The following LY75 variants were observed in gnomAD, a reference collection of about 807,000 sequenced individuals.
LY75 encodes C-type lectin domain family 13 member B.
In LY75, 185 loss-of-function variants were observed where a neutral mutation model predicts 231.7. The observed-to-expected ratio is 0.80, with a 90% confidence interval of 0.71 to 0.90. The LOEUF (loss-of-function observed/expected upper bound fraction) is 0.90. Among genes scored for constraint, LY75 ranks in the 40% least tolerant of loss-of-function variants. The pLI is 0.00. For synonymous variants in LY75, 668 were observed against 689.0 expected, an observed-to-expected ratio of 0.97 and a Z score of 0.48; for missense variants, 1,947 against 2,050.2, an observed-to-expected ratio of 0.95 and a Z score of 0.97.
At chr2:159,858,113 T>C (rs1202319820) in intron 16 of LY75, among the ~76,000 whole-genome samples, 1 of 152,190 alleles carries the variant, frequency 6.6e-6, no homozygotes, top group Non-Finnish European at 1.5e-5. Flanking sequence ...TCTCCCTGAA[T>C]GAGCCTCACA....
At chr2:159,837,840 T>C (rs1337801019) in intron 25 of LY75, among the ~76,000 whole-genome samples, 1 of 152,170 alleles carries the variant, frequency 6.6e-6, no homozygotes, top group Non-Finnish European at 1.5e-5. Context: ...GAGGACTTGG[T>C]CGCCTTGCTC....
At chr2:159,850,888 T>A (rs1684383298) in intron 21 of LY75, among the ~76,000 whole-genome samples, 1 of 148,052 alleles carries the variant, frequency 6.8e-6, no homozygotes, top group Non-Finnish European at 1.5e-5. Flanking sequence ...ATCTCTCATT[T>A]ATTGAGTGCT....
In LY75 at chr2:159,886,421, T is replaced by C. The variant is rs375650245; in HGVS notation, c.912A>G (p.Pro304=). Residue 304 remains proline (P), a splice_region_variant and synonymous_variant, in exon 5 of 35, where the codon CCA becomes CCG. Coordinates refer to ENST00000263636, the MANE Select transcript of LY75 (RefSeq NM_002349.4). ...HKPLNFLNWD[P]DRPSAPTIGG... ...AGGGGGTAGGGAAAGAGCAGTTACC[T>C]GGATCCCAGTTGAGAAAGTTTAATG... The C allele has an allele frequency of 1.9e-6, 3 of 1,606,272 alleles. No homozygotes were observed. Among genetic ancestry groups the C allele is most frequent in the African/African-American group, 2.7e-5 (2 of 74,478 alleles).
chr2:159,830,829 G>A (rs146355352), intron 28 of LY75, among the ~76,000 whole-genome samples: 62 of 152,122 alleles, frequency 4.1e-4, no homozygotes, highest in African/African-American at 1.4e-3. Flanking sequence ...TGATCCACCC[G>A]CCTTGGCCTC....
chr2:159,904,386 C>T (rs1686173805), intron 1 of LY75, among the ~76,000 whole-genome samples: 1 of 152,254 alleles, frequency 6.6e-6, no homozygotes, highest in African/African-American at 2.4e-5. Context: ...CCGCGCCCTC[C>T]TCCGGGCCCC....
chr2:159,872,878 G>A (rs996228146), intron 12 of LY75, among the ~76,000 whole-genome samples: 3 of 152,126 alleles, frequency 2.0e-5, no homozygotes, highest in Admixed American at 2.0e-4. Flanking sequence ...GTATTCCTAG[G>A]ACCTTGAAAG....
intron 32 of LY75, 96 bp downstream of exon 32, chr2:159,810,430 T>C: frequency 6.6e-7 from 1 of 1,509,848 alleles, no homozygotes; most frequent in South Asian, 1.3e-5. Flanking sequence ...GCTTTAAAAA[T>C]ATTTTCAAAA....
At chr2:159,885,416 T>A in intron 5 of LY75, 123 bp from the exon 6 acceptor site, 1 of 1,285,194 alleles carries the variant, frequency 7.8e-7, no homozygotes, top group Non-Finnish European at 1.0e-6. Context: ...AGTTAAAACT[T>A]AACTAAATTG....
Position 159,890,373 on chromosome 2 carries a change from G to A in LY75, c.642C>T (p.Asn214=), listed in dbSNP as rs376735365. Reference sequence around the variant, plus strand: ...TCTTTTCCCAATTATCTTCACAACCGTTTTCTGTTGATAAAGACACGTTAG... The same window carrying A: ...TCTTTTCCCAATTATCTTCACAACCATTTTCTGTTGATAAAGACACGTTAG... The part of the protein sequence containing the change: ...RKWGICLKPE[N]GCEDNWEKNE... Residue 214 remains asparagine (N), a synonymous_variant, in exon 4 of 35, where the codon AAC becomes AAT. Coordinates refer to ENST00000263636, the MANE Select transcript of LY75 (RefSeq NM_002349.4). 2.5e-5 allele frequency: 40 copies of A among 1,612,532 alleles called. No individual in the cohort carries two copies. Among genetic ancestry groups the A allele is most frequent in the African/African-American group, 1.6e-4 (12 of 74,816 alleles).
At chr2:159,869,005 C>T (rs778911194) in intron 13 of LY75, among the ~76,000 whole-genome samples, 79 of 152,054 alleles carry the variant, frequency 5.2e-4, no homozygotes, top group Admixed American at 1.2e-3. Context: ...TGTAGGGACA[C>T]GGATGAAGCT....
At chr2:159,882,093 C>A in intron 7 of LY75, 31 bp downstream of exon 7, 1 of 1,591,812 alleles carries the variant, frequency 6.3e-7, no homozygotes, top group Non-Finnish European at 8.6e-7. Context: ...ATGGCTTAAG[C>A]CTCTCAAATA....
At chr2:159,815,897 CA>C (rs1329226167) in intron 30 of LY75, among the ~76,000 whole-genome samples, 1 of 152,124 alleles carries the variant, frequency 6.6e-6, no homozygotes, top group Non-Finnish European at 1.5e-5. Context: ...GTCATAATTA[CA>C]AATTTACAAT....
intron 25 of LY75, among the ~76,000 whole-genome samples, chr2:159,839,579 TTAAAC>T (rs1683940022): frequency 6.6e-6 from 1 of 152,168 alleles, no homozygotes; most frequent in South Asian, 2.1e-4. Flanking sequence ...TTTTTTCTTC[TTAAAC>T]TAGAGACTGG....
chr2:159,884,326 C>A (rs1468803296), intron 6 of LY75, among the ~76,000 whole-genome samples: 1 of 152,158 alleles, frequency 6.6e-6, no homozygotes, highest in African/African-American at 2.4e-5. Context: ...TAGTTTCTCT[C>A]ATTTGGTGAG....
chr2:159,881,354 TC>T, intron 7 of LY75, 114 bp from the exon 8 acceptor site: 1 of 1,253,086 alleles, frequency 8.0e-7, no homozygotes, highest in East Asian at 2.5e-5. Context: ...TTTGTAGTAT[TC>T]TTAATTCGGT....
At chr2:159,832,256 A>C (rs1352839762) in intron 27 of LY75, among the ~76,000 whole-genome samples, 1 of 152,226 alleles carries the variant, frequency 6.6e-6, no homozygotes, top group African/African-American at 2.4e-5. Context: ...GCCATACAGC[A>C]GGAGGTGAGC....
rs759824829 is a variant in LY75, at chr2:159,835,626, C to A, written c.3527G>T (p.Trp1176Leu). The A allele has an allele frequency of 6.2e-6, 10 of 1,613,524 alleles. No homozygotes were observed. Among genetic ancestry groups the A allele is most frequent in the East Asian group, 2.2e-5 (1 of 44,846 alleles). Residue 1176 changes from tryptophan to leucine, a missense_variant, in exon 26 of 35, where the codon TGG becomes TTG. Trp to Leu is a moderately conservative substitution (Grantham distance 61). Transcript: ENST00000263636. The stretch of plus-strand genomic sequence containing the variant: ...AAAATGAAGACGTTTCCCATCTGAC[C>A]AACCAAAGTTGAGTTCATCCTGTAA... ...FSQDDELNFG[W>L]SDGKRLHFSR...
intron 29 of LY75, among the ~76,000 whole-genome samples, chr2:159,818,613 T>C (rs763423705): frequency 6.6e-6 from 1 of 152,176 alleles, no homozygotes; most frequent in Non-Finnish European, 1.5e-5. Flanking sequence ...TTGAATAATG[T>C]GTGGACTTTA....
chr2:159,843,071 C>A (rs376558301), intron 23 of LY75, among the ~76,000 whole-genome samples: 3 of 151,258 alleles, frequency 2.0e-5, no homozygotes, highest in South Asian at 2.1e-4. Context: ...TTATGTGGAG[C>A]CAAATGTGTA....
Sources: allele counts gnomAD v4.1 joint callset (sites outside exome capture counted in the v4.1 genomes callset), GRCh38; gene constraint gnomAD v4.1.1; transcripts MANE v1.5; gene names NCBI Gene and HGNC (gene_info 2026-07-23, HGNC 2026-07-21).